SPATS2: variants seen among roughly 807,000 people sequenced by gnomAD.
The protein encoded by SPATS2 is spermatogenesis associated serine rich 2.
A neutral mutation model predicts 63.7 loss-of-function variants in SPATS2; 38 were observed. The observed-to-expected ratio is 0.60, with a 90% CI of 0.46 to 0.78. SPATS2 has a LOEUF of 0.78. Ranked by LOEUF, SPATS2 falls within the 30% of genes least tolerant of loss-of-function variation. The pLI, the probability that SPATS2 is intolerant of heterozygous loss-of-function variation, is 0.00. For synonymous variants in SPATS2, 207 were observed against 232.9 expected (o/e 0.89, Z 1.01); for missense variants, 588 against 666.2 (o/e 0.88, Z 1.29).
At chr12:49,517,312 CT>C (rs1232513363) in intron 10 of SPATS2, among the ~76,000 whole-genome samples, 16 of 152,184 alleles carry the variant, frequency 1.1e-4, no homozygotes, top group African/African-American at 3.4e-4. Context: ...TGACTTGGGT[CT>C]AGGCAGCCCA....
At chr12:49,367,355 C>A, upstream of SPATS2, 1 of 390,914 alleles carries the variant, frequency 2.6e-6, no homozygotes. Context: ...GGGTGATCTG[C>A]TGGATCTCCG....
At chr12:49,410,006 A>G (rs879919549) in intron 2 of SPATS2, among the ~76,000 whole-genome samples, 5 of 152,190 alleles carry the variant, frequency 3.3e-5, no homozygotes, top group African/African-American at 4.8e-5. Flanking sequence ...GAAAACAAAT[A>G]TCATTTAAGC....
At position 49,477,568 on chromosome 12, in the gene SPATS2, G is replaced by A. The variant is rs139887867; in HGVS notation, c.26-7022G>A. ...TGATTGATGAACCGTCAGTCGGTATGCTTACAACCTCCGGAGAGGATACGT... is the reference window on the plus strand; with the variant it reads ...TGATTGATGAACCGTCAGTCGGTATACTTACAACCTCCGGAGAGGATACGT... On this transcript the variant is annotated intron_variant, in intron 3 of 13. Transcript: ENST00000552918. 3.3e-5 allele frequency among the ~76,000 whole-genome samples: 5 copies of A among 152,310 alleles called. No individual in the cohort carries two copies. The East Asian group carries it at 7.7e-4, about 23-fold the overall frequency.
chr12:49,407,646 C>G (rs1944719997), intron 2 of SPATS2, among the ~76,000 whole-genome samples: 1 of 152,126 alleles, frequency 6.6e-6, no homozygotes, highest in South Asian at 2.1e-4. Context: ...GGCCCTGGCT[C>G]TCTATCGCCT....
At position 49,523,858 on chromosome 12, in the gene SPATS2, A is replaced by G. The variant is rs536959644; in HGVS notation, c.1112-824A>G. On this transcript the variant is annotated intron_variant, in intron 12 of 13. Coordinates refer to ENST00000552918, the MANE Select transcript of SPATS2 (RefSeq NM_023071.4). ...TCCCAGCTAATCGGGAGGCTGAGGCAGGAGAATGGCGTGAACTCAGGAGGC... is the reference window on the plus strand; with the variant it reads ...TCCCAGCTAATCGGGAGGCTGAGGCGGGAGAATGGCGTGAACTCAGGAGGC... Among the ~76,000 whole-genome samples, 14 of 152,214 alleles carry G rather than the reference A, an allele frequency of 9.2e-5. No individual in the cohort carries two copies. In the East Asian group the frequency reaches 2.3e-3, roughly 25 times the overall value.
chr12:49,516,446 G>A (rs1179572159), intron 10 of SPATS2, among the ~76,000 whole-genome samples: 1 of 151,306 alleles, frequency 6.6e-6, no homozygotes, highest in Non-Finnish European at 1.5e-5. Flanking sequence ...AGTGGGTCAC[G>A]CCTGTAATCC....
intron 1 of SPATS2, 91 bp downstream of exon 1, chr12:49,367,678 G>T (rs1943923298): frequency 5.8e-6 from 2 of 344,332 alleles, no homozygotes; most frequent in Non-Finnish European, 1.0e-5. Context: ...AAAGAGGGAG[G>T]GGGTAGTTGG....
At chr12:49,438,668 A>G (rs1945360804) in intron 2 of SPATS2, among the ~76,000 whole-genome samples, 1 of 152,190 alleles carries the variant, frequency 6.6e-6, no homozygotes, top group African/African-American at 2.4e-5. Flanking sequence ...CCGATGAGCA[A>G]TAATGTTAAG....
At chr12:49,468,428 G>A (rs1218907613) in intron 3 of SPATS2, among the ~76,000 whole-genome samples, 2 of 151,834 alleles carry the variant, frequency 1.3e-5, no homozygotes, top group Non-Finnish European at 2.9e-5. Flanking sequence ...CCAAAGTGCT[G>A]GGATTACAGG....
intron 2 of SPATS2, chr12:49,390,031 GA>G: frequency 2.1e-6 from 2 of 956,172 alleles, no homozygotes; most frequent in South Asian, 2.6e-5. Context: ...ACTTGAACAA[GA>G]AAACAAAGGC....
intron 2 of SPATS2, among the ~76,000 whole-genome samples, chr12:49,393,438 A>G (rs1476254179): frequency 2.0e-5 from 3 of 152,068 alleles, no homozygotes; most frequent in Non-Finnish European, 4.4e-5. Flanking sequence ...ATTAGGTAGA[A>G]TTTTTCTATA....
At chr12:49,440,963 TG>T (rs1945408233) in intron 2 of SPATS2, among the ~76,000 whole-genome samples, 1 of 152,232 alleles carries the variant, frequency 6.6e-6, no homozygotes, top group Non-Finnish European at 1.5e-5. Flanking sequence ...TTTGGTCACT[TG>T]GTTAAGGTGG....
At chr12:49,450,861 G>GTT (rs1372150012) in intron 2 of SPATS2, among the ~76,000 whole-genome samples, 1 of 149,450 alleles carries the variant, frequency 6.7e-6, no homozygotes, top group South Asian at 2.1e-4. Context: ...GTTTTGTTTT[G>GTT]TTTTGTTTTT....
chr12:49,415,064 CG>C (rs1944865765), intron 2 of SPATS2, among the ~76,000 whole-genome samples: 1 of 151,456 alleles, frequency 6.6e-6, no homozygotes, highest in Non-Finnish European at 1.5e-5. Flanking sequence ...CTTAGCCTCC[CG>C]AGTAGAGGCA....
intron 3 of SPATS2, among the ~76,000 whole-genome samples, chr12:49,472,931 TCTCAGCTA>T (rs1420953454): frequency 6.6e-6 from 1 of 150,794 alleles, no homozygotes; most frequent in Non-Finnish European, 1.5e-5. Flanking sequence ...CCCACTGTAA[TCTCAGCTA>T]CTCAGGAGGC....
chr12:49,413,930 G>T (rs1343998398), intron 2 of SPATS2, among the ~76,000 whole-genome samples: 1 of 152,172 alleles, frequency 6.6e-6, no homozygotes, highest in Non-Finnish European at 1.5e-5. Flanking sequence ...TGAAATCCAA[G>T]CAGGCATGTA....
At position 49,484,576 on chromosome 12, in the gene SPATS2, C is replaced by T. The variant is rs189435823; in HGVS notation, c.26-14C>T. On this transcript the variant is annotated splice_polypyrimidine_tract_variant and intron_variant, in intron 3 of 13. Transcript: ENST00000552918. ...TTGGATCATGTTGAATATATTTTTC[C>T]CTTATTCTTTCAGATTCATCAGGAT... is the stretch of plus-strand genomic sequence containing the variant. 3.5e-5 allele frequency: 57 copies of T among 1,612,126 alleles called. No individual in the cohort carries two copies. In the Admixed American group the frequency reaches 7.3e-4, roughly 21 times the overall value.
intron 3 of SPATS2, chr12:49,469,610 G>C: frequency 2.4e-6 from 1 of 420,384 alleles, no homozygotes; most frequent in Non-Finnish European, 4.6e-6. Flanking sequence ...AGAAATATGG[G>C]CCAGGCACAG....
At chr12:49,377,303 G>A (rs1944124448) in intron 2 of SPATS2, among the ~76,000 whole-genome samples, 1 of 152,132 alleles carries the variant, frequency 6.6e-6, no homozygotes, top group Non-Finnish European at 1.5e-5. Flanking sequence ...ATTATTATAT[G>A]ATATTATTGT....
Sources: allele counts gnomAD v4.1 joint callset (sites outside exome capture counted in the v4.1 genomes callset), GRCh38; gene constraint gnomAD v4.1.1; transcripts MANE v1.5; gene names NCBI Gene and HGNC (gene_info 2026-07-23, HGNC 2026-07-21).